The following LEF1 variants were observed in gnomAD, a reference collection of about 807,000 sequenced individuals.
LEF1 encodes lymphoid enhancer binding factor 1.
Under a neutral mutation model 51.2 loss-of-function variants are expected in LEF1, and 14 were observed. That is an observed-to-expected ratio of 0.27 (90% confidence interval 0.18 to 0.43). The LOEUF (loss-of-function observed/expected upper bound fraction) is 0.43. Among genes scored for constraint, LEF1 ranks in the 20% least tolerant of loss-of-function variants. LEF1 has a pLI of 1.00. For missense variants in LEF1, 386 were observed against 512.0 expected (o/e 0.75, Z 2.37); for synonymous variants, 185 against 183.2 (o/e 1.01, Z -0.08).
At chr4:108,150,681 A>C (rs1402347241) in intron 3 of LEF1, among the ~76,000 whole-genome samples, 1 of 152,208 alleles carries the variant, frequency 6.6e-6, no homozygotes, top group Non-Finnish European at 1.5e-5. Flanking sequence ...CCTGACTTTG[A>C]ATCCAAATTC....
intron 11 of LEF1, among the ~76,000 whole-genome samples, chr4:108,054,226 T>C (rs571466046): frequency 5.9e-5 from 9 of 152,302 alleles, no homozygotes; most frequent in African/African-American, 1.9e-4. Flanking sequence ...TTTCCTCATC[T>C]GTAAAGTGAA....
At chr4:108,157,177 TATACACACACAC>T (rs1393523976) in intron 3 of LEF1, among the ~76,000 whole-genome samples, 2 of 89,334 alleles carry the variant, frequency 2.2e-5, no homozygotes, top group Admixed American at 1.3e-4. Flanking sequence ...TCTATATATA[TATACACACACAC>T]ACACACACAC....
rs1484011972 is a variant in LEF1, at chr4:108,163,619, A to G, written c.363T>C (p.Asn121=). The G allele has an allele frequency of 1.2e-6, 2 of 1,613,908 alleles. No individual in the cohort carries two copies. Among genetic ancestry groups the G allele is most frequent in the Non-Finnish European group, 8.5e-7 (1 of 1,179,856 alleles). The part of the protein sequence containing the change: ...YSGYIMMPNM[N]NDPYMSNGSL... ...ATCCATTTGACATGTATGGGTCGTTATTCATATTTGGCATCATTATGTACC... is the reference window on the plus strand; with the variant it reads ...ATCCATTTGACATGTATGGGTCGTTGTTCATATTTGGCATCATTATGTACC... Residue 121 remains asparagine (N), a synonymous_variant, in exon 3 of 12, where the codon AAT becomes AAC. Transcript: ENST00000265165.
chr4:108,065,236 C>T (rs1361039310), intron 9 of LEF1, among the ~76,000 whole-genome samples: 3 of 152,124 alleles, frequency 2.0e-5, no homozygotes, highest in Non-Finnish European at 2.9e-5. Context: ...CCTGTAATCC[C>T]GGCACTTCAG....
At chr4:108,133,109 G>C (rs1743007099) in intron 3 of LEF1, among the ~76,000 whole-genome samples, 2 of 152,090 alleles carry the variant, frequency 1.3e-5, no homozygotes, top group Non-Finnish European at 2.9e-5. Flanking sequence ...GAGTAGCTGG[G>C]ATTACAGCCA....
intron 3 of LEF1, among the ~76,000 whole-genome samples, chr4:108,100,090 A>G (rs1037637000): frequency 1.3e-5 from 2 of 152,178 alleles, no homozygotes; most frequent in Non-Finnish European, 2.9e-5. Context: ...CACTATTCAC[A>G]GGATATATTT....
intron 3 of LEF1, among the ~76,000 whole-genome samples, chr4:108,101,362 C>T (rs574850025): frequency 6.6e-6 from 1 of 152,214 alleles, no homozygotes; most frequent in African/African-American, 2.4e-5. Context: ...GGGCTAAATA[C>T]AGTATTAAAA....
chr4:108,051,517 G>GGGCCA lies in LEF1; in HGVS notation c.*7-2771_*7-2767dup, dbSNP rs1438495592. 1.1e-4 allele frequency among the ~76,000 whole-genome samples: 17 copies of GGGCCA among 152,310 alleles called. No individual in the cohort carries two copies. In the East Asian group the frequency reaches 2.7e-3, roughly 24 times the overall value. ...TCACTGGGGGGCTGCGGCTGAAGCTGGGCCAGGCCAGGCGAGCCCCGGCAC... is the reference window on the plus strand; with the variant it reads ...TCACTGGGGGGCTGCGGCTGAAGCTGGGCCAGGCCAGGCCAGGCGAGCCCCGGCAC... On this transcript the variant is annotated intron_variant, in intron 11 of 11. Transcript: ENST00000265165.
At chr4:108,107,605 T>C (rs1387883698) in intron 3 of LEF1, among the ~76,000 whole-genome samples, 1 of 152,136 alleles carries the variant, frequency 6.6e-6, no homozygotes, top group African/African-American at 2.4e-5. Flanking sequence ...TGAAGTCAGA[T>C]GCATATAAAT....
chr4:108,065,573 C>T (rs1406587177), intron 9 of LEF1, among the ~76,000 whole-genome samples: 2 of 152,132 alleles, frequency 1.3e-5, no homozygotes, highest in African/African-American at 4.8e-5. Flanking sequence ...CTCTTTGCCT[C>T]AGTGTTGGGG....
At chr4:108,124,364 A>G (rs1480499014) in intron 3 of LEF1, among the ~76,000 whole-genome samples, 1 of 150,760 alleles carries the variant, frequency 6.6e-6, no homozygotes, top group Non-Finnish European at 1.5e-5. Flanking sequence ...CCTTAAACAG[A>G]TACATGAACA....
intron 3 of LEF1, among the ~76,000 whole-genome samples, chr4:108,152,155 A>T (rs1487191744): frequency 6.6e-6 from 1 of 152,202 alleles, no homozygotes; most frequent in Non-Finnish European, 1.5e-5. Flanking sequence ...ATCCGGAGGA[A>T]CTTCATTGAG....
intron 3 of LEF1, among the ~76,000 whole-genome samples, chr4:108,142,192 C>T (rs1161934610): frequency 6.6e-6 from 1 of 152,206 alleles, no homozygotes; most frequent in Non-Finnish European, 1.5e-5. Context: ...CTGCTAAAGA[C>T]CTGTCCCGCG....
chr4:108,070,533 T>A (rs1217334069), intron 9 of LEF1, 130 bp downstream of exon 9: 1 of 547,944 alleles, frequency 1.8e-6, no homozygotes, highest in African/African-American at 1.9e-5. Flanking sequence ...AAATCCTTAT[T>A]ACAAAGTTCA....
intron 3 of LEF1, among the ~76,000 whole-genome samples, chr4:108,099,570 G>GTGTACA (rs1266681210): frequency 1.4e-5 from 1 of 70,196 alleles, no homozygotes; most frequent in Non-Finnish European, 2.9e-5. Context: ...GTGTGTGTGT[G>GTGTACA]TATATATATA....
chr4:108,149,610 CATAT>C (rs945016483), intron 3 of LEF1, among the ~76,000 whole-genome samples: 5 of 146,464 alleles, frequency 3.4e-5, no homozygotes. Context: ...TATATATGTA[CATAT>C]ATATACATGT....
chr4:108,085,852 T>A (rs1015645935), intron 4 of LEF1, among the ~76,000 whole-genome samples: 3 of 152,244 alleles, frequency 2.0e-5, no homozygotes, highest in African/African-American at 7.2e-5. Context: ...CATTTTGTTT[T>A]ATAGTTAGTC....
chr4:108,120,073 CCAGG>C (rs1464583512), intron 3 of LEF1, among the ~76,000 whole-genome samples: 1 of 150,014 alleles, frequency 6.7e-6, no homozygotes, highest in Non-Finnish European at 1.5e-5. Flanking sequence ...ACTCTGACAC[CCAGG>C]CTGGAGTGCA....
At chr4:108,160,413 T>A (rs181998648) in intron 3 of LEF1, among the ~76,000 whole-genome samples, 1 of 152,324 alleles carries the variant, frequency 6.6e-6, no homozygotes, top group Non-Finnish European at 1.5e-5. Context: ...CTTCACTCTC[T>A]GTGAAGAAGA....
Sources: allele counts gnomAD v4.1 joint callset (sites outside exome capture counted in the v4.1 genomes callset), GRCh38; gene constraint gnomAD v4.1.1; transcripts MANE v1.5; gene names NCBI Gene and HGNC (gene_info 2026-07-23, HGNC 2026-07-21).